The following HCN1 variants were observed in gnomAD, a reference collection of about 807,000 sequenced individuals.
The protein encoded by HCN1 is hyperpolarization activated cyclic nucleotide gated potassium channel 1.
A neutral mutation model predicts 78.9 loss-of-function variants in HCN1; 13 were observed. The observed-to-expected ratio is 0.16, with a 90% confidence interval of 0.11 to 0.26. The LOEUF (loss-of-function observed/expected upper bound fraction) is 0.26. HCN1 is among the 10% of genes least tolerant of loss of function. The pLI is 1.00. For missense variants in HCN1, 810 were observed against 1,154.3 expected (o/e 0.70, Z 4.32); for synonymous variants, 552 against 455.5 (o/e 1.21, Z -2.70).
intron 1 of HCN1, among the ~76,000 whole-genome samples, chr5:45,652,338 T>C (rs950343105): frequency 2.0e-5 from 3 of 151,986 alleles, no homozygotes; most frequent in Non-Finnish European, 2.9e-5. Context: ...TTGATTTCTA[T>C]GACTCTACAT....
chr5:45,348,147 T>A (rs1579829354), intron 5 of HCN1, among the ~76,000 whole-genome samples: 1 of 152,116 alleles, frequency 6.6e-6, no homozygotes, highest in South Asian at 2.1e-4. Flanking sequence ...GGGAAGCCCA[T>A]CAGACTAACA....
intron 2 of HCN1, among the ~76,000 whole-genome samples, chr5:45,620,862 A>G (rs1228885830): frequency 6.6e-6 from 1 of 152,166 alleles, no homozygotes; most frequent in East Asian, 1.9e-4. Flanking sequence ...GGATCTATTC[A>G]TTCATTCAAT....
chr5:45,581,017 T>G (rs1426064559), intron 2 of HCN1, among the ~76,000 whole-genome samples: 1 of 152,234 alleles, frequency 6.6e-6, no homozygotes, highest in Non-Finnish European at 1.5e-5. Context: ...TGTGTCTTTA[T>G]AGCAGCATGT....
chr5:45,556,308 T>C (rs1407195854), intron 2 of HCN1, among the ~76,000 whole-genome samples: 1 of 151,848 alleles, frequency 6.6e-6, no homozygotes, highest in African/African-American at 2.4e-5. Context: ...TTCACCTGTT[T>C]ATTAATACAT....
intron 4 of HCN1, among the ~76,000 whole-genome samples, chr5:45,372,069 AT>A: frequency 1.9e-5 from 1 of 52,212 alleles, no homozygotes; most frequent in African/African-American, 1.2e-4. Flanking sequence ...ATTATATTAT[AT>A]ATTATATATA....
intron 3 of HCN1, among the ~76,000 whole-genome samples, chr5:45,426,957 T>C (rs1331519705): frequency 6.6e-6 from 1 of 152,066 alleles, no homozygotes; most frequent in African/African-American, 2.4e-5. Flanking sequence ...TCTTGCAATG[T>C]TTTATACTAT....
intron 2 of HCN1, among the ~76,000 whole-genome samples, chr5:45,593,967 T>C (rs1177449647): frequency 6.6e-6 from 1 of 152,124 alleles, no homozygotes; most frequent in Non-Finnish European, 1.5e-5. Flanking sequence ...TCAGCCACCA[T>C]GCCCAGTCTA....
At position 45,472,337 on chromosome 5, in the gene HCN1, C is replaced by T. The variant is rs182037262; in HGVS notation, c.850-10330G>A. Among the ~76,000 whole-genome samples the T allele has an allele frequency of 1.7e-3, 256 of 151,940 alleles. 1 individual carries two copies. Among genetic ancestry groups the T allele is most frequent in the African/African-American group, 6.0e-3 (249 of 41,506 alleles). ...AAGCGCTTACTCCAATAGGGGCTTGCCCTTAACTCTGTAAAAGTGTTTAAT... is the reference window on the plus strand; with the variant it reads ...AAGCGCTTACTCCAATAGGGGCTTGTCCTTAACTCTGTAAAAGTGTTTAAT... On this transcript the variant is annotated intron_variant, in intron 2 of 7. Coordinates refer to ENST00000303230, the MANE Select transcript of HCN1 (RefSeq NM_021072.4).
chr5:45,616,593 G>A (rs1744960136), intron 2 of HCN1, among the ~76,000 whole-genome samples: 1 of 151,894 alleles, frequency 6.6e-6, no homozygotes, highest in Non-Finnish European at 1.5e-5. Flanking sequence ...CAGTAATGTT[G>A]GAAGTTGGCC....
At chr5:45,484,256 C>T (rs1741713986) in intron 2 of HCN1, among the ~76,000 whole-genome samples, 1 of 151,856 alleles carries the variant, frequency 6.6e-6, no homozygotes, top group South Asian at 2.1e-4. Context: ...CACGGTGAAA[C>T]CTGCTTCTAC....
At chr5:45,649,940 A>G (rs991690042) in intron 1 of HCN1, among the ~76,000 whole-genome samples, 2 of 152,110 alleles carry the variant, frequency 1.3e-5, no homozygotes, top group Non-Finnish European at 2.9e-5. Context: ...TTACAACAGA[A>G]TATGTTAAAA....
intron 1 of HCN1, among the ~76,000 whole-genome samples, chr5:45,659,093 G>T (rs1478224306): frequency 3.3e-5 from 5 of 152,096 alleles, no homozygotes; most frequent in African/African-American, 1.2e-4. Context: ...CTCCCAGCAC[G>T]CAGCTAGAGA....
chr5:45,334,578 C>A (rs1190283316), intron 5 of HCN1, among the ~76,000 whole-genome samples: 2 of 151,882 alleles, frequency 1.3e-5, no homozygotes, highest in Non-Finnish European at 2.9e-5. Context: ...ATAGTAAGTA[C>A]TTCCTTTGAG....
At position 45,587,572 on chromosome 5, in the gene HCN1, A is replaced by T. The variant is rs572846583; in HGVS notation, c.849+57613T>A. On this transcript the variant is annotated intron_variant, in intron 2 of 7. Transcript: ENST00000303230. ...TGTGGGGTAGGGGGAGGGGGGAGGG[A>T]TAGCATTAGGAGATATACCTAATGT... Among the ~76,000 whole-genome samples the T allele has an allele frequency of 4.8e-5, 7 of 146,510 alleles. No individual in the cohort carries two copies. In the East Asian group the frequency reaches 1.5e-3, roughly 31 times the overall value.
At chr5:45,336,948 T>C (rs1049710585) in intron 5 of HCN1, among the ~76,000 whole-genome samples, 13 of 151,976 alleles carry the variant, frequency 8.6e-5, no homozygotes, top group African/African-American at 3.1e-4. Context: ...CCTCCTAATA[T>C]CATCACCTTG....
chr5:45,622,802 C>T (rs1745094201), intron 2 of HCN1, among the ~76,000 whole-genome samples: 2 of 152,078 alleles, frequency 1.3e-5, no homozygotes, highest in Admixed American at 6.6e-5. Flanking sequence ...TATTCATGGT[C>T]AAATTGTATA....
rs145863742 is a variant in HCN1, at chr5:45,381,574, A to G, written c.1230+14918T>C. On this transcript the variant is annotated intron_variant, in intron 4 of 7. Transcript: ENST00000303230. Reference sequence around the variant, plus strand: ...TCACATGGTCAGCTCCATTTCATCCATCAGGGCTAGGTCCGATGTTACCTT... The same window carrying G: ...TCACATGGTCAGCTCCATTTCATCCGTCAGGGCTAGGTCCGATGTTACCTT... Among the ~76,000 whole-genome samples, 607 of 152,246 alleles carry G rather than the reference A, an allele frequency of 4.0e-3. 5 individuals carry two copies. The highest frequency in any genetic ancestry group is 0.014 in the African/African-American group (578 of 41,542).
chr5:45,387,109 A>G (rs1747938089), intron 4 of HCN1, among the ~76,000 whole-genome samples: 1 of 151,912 alleles, frequency 6.6e-6, no homozygotes, highest in Non-Finnish European at 1.5e-5. Context: ...AGTCAGAAAA[A>G]AAGTTGAAAA....
intron 3 of HCN1, among the ~76,000 whole-genome samples, chr5:45,450,445 G>A (rs986853656): frequency 1.3e-5 from 2 of 152,106 alleles, no homozygotes; most frequent in African/African-American, 4.8e-5. Context: ...TAATTTGAAT[G>A]TCTCTTTCCT....
Sources: gnomAD v4.1 joint callset for allele counts (sites outside exome capture counted in the v4.1 genomes callset) on GRCh38, gnomAD v4.1.1 for gene constraint, MANE v1.5 for transcripts, NCBI Gene and HGNC (gene_info 2026-07-23, HGNC 2026-07-21) for gene names.